Variants in CNTNAP5 observed in about 807,000 individuals in gnomAD.
CNTNAP5 encodes contactin-associated protein-like 5.
CNTNAP5 carries 72 observed loss-of-function variants against 150.2 expected under a neutral mutation model. That is an observed-to-expected ratio of 0.48 (90% CI 0.40 to 0.58). CNTNAP5 has a LOEUF of 0.58. CNTNAP5 is among the 20% of genes least tolerant of loss of function. The pLI is 0.00. For missense variants in CNTNAP5, 1,636 were observed against 1,626.2 expected (o/e 1.01, Z -0.10); for synonymous variants, 672 against 619.8 (o/e 1.08, Z -1.25).
At chr2:124,079,992 G>A (rs898836307) in intron 1 of CNTNAP5, among the ~76,000 whole-genome samples, 3 of 152,076 alleles carry the variant, frequency 2.0e-5, no homozygotes, top group Non-Finnish European at 4.4e-5. Flanking sequence ...TAGCACATTA[G>A]GATTACTCAG....
chr2:124,684,102 C>T (rs1019931503), intron 13 of CNTNAP5, among the ~76,000 whole-genome samples: 12 of 152,144 alleles, frequency 7.9e-5, no homozygotes, highest in African/African-American at 2.9e-4. Flanking sequence ...CCATTAGACC[C>T]ACTGTCAGAG....
intron 13 of CNTNAP5, among the ~76,000 whole-genome samples, chr2:124,681,744 T>C (rs1679074046): frequency 6.6e-6 from 1 of 152,130 alleles, no homozygotes; most frequent in Non-Finnish European, 1.5e-5. Flanking sequence ...TTTGTATTTT[T>C]ATTAGAGACG....
chr2:124,698,755 C>T (rs1679458412), intron 13 of CNTNAP5, among the ~76,000 whole-genome samples: 1 of 152,144 alleles, frequency 6.6e-6, no homozygotes, highest in Non-Finnish European at 1.5e-5. Flanking sequence ...GCCCCAAGTG[C>T]CAAGGTGTGT....
At chr2:124,467,311 G>A (rs1290040811) in intron 6 of CNTNAP5, among the ~76,000 whole-genome samples, 1 of 150,512 alleles carries the variant, frequency 6.6e-6, no homozygotes, top group African/African-American at 2.5e-5. Flanking sequence ...AATGGACAGA[G>A]TTCAAGAGGA....
intron 11 of CNTNAP5, among the ~76,000 whole-genome samples, chr2:124,577,427 T>C (rs1696309272): frequency 6.6e-6 from 1 of 152,248 alleles, no homozygotes; most frequent in South Asian, 2.1e-4. Flanking sequence ...TTTATTTTTA[T>C]TCAACACCAA....
At chr2:124,783,214 A>T (rs1681490778) in intron 17 of CNTNAP5, among the ~76,000 whole-genome samples, 1 of 152,178 alleles carries the variant, frequency 6.6e-6, no homozygotes, top group Admixed American at 6.5e-5. Flanking sequence ...TTATCAAGTC[A>T]TATATTCCTG....
chr2:124,759,759 A>G (rs1032465669), intron 14 of CNTNAP5, among the ~76,000 whole-genome samples: 2 of 151,994 alleles, frequency 1.3e-5, no homozygotes, highest in Non-Finnish European at 2.9e-5. Context: ...TAGGAAATAA[A>G]AACAAGATTG....
At chr2:124,792,937 C>T (rs569421193) in intron 18 of CNTNAP5, among the ~76,000 whole-genome samples, 18 of 152,270 alleles carry the variant, frequency 1.2e-4, no homozygotes, top group African/African-American at 4.3e-4. Context: ...ATCCATTGGT[C>T]AGTTAATGGA....
In CNTNAP5 at chr2:124,314,341, GT is replaced by G. The variant is rs532272488; in HGVS notation, c.381+71949del. Among the ~76,000 whole-genome samples, 331 of 152,268 alleles carry G rather than the reference GT, an allele frequency of 2.2e-3. 1 individual carries two copies. The highest frequency in any genetic ancestry group is 7.8e-3 in the African/African-American group (325 of 41,546). On this transcript the variant is annotated intron_variant, in intron 3 of 23. Coordinates refer to ENST00000682447, the MANE Select transcript of CNTNAP5 (RefSeq NM_001367498.1). Reference sequence around the variant, plus strand: ...ATTCAAAAGTGCCTTGCCAAAGCCAGTAAGAAAAGCTATTTCTCCTTGATTT... The same window carrying G: ...ATTCAAAAGTGCCTTGCCAAAGCCAGAAGAAAAGCTATTTCTCCTTGATTT...
At chr2:124,156,778 C>T (rs1684558470) in intron 1 of CNTNAP5, among the ~76,000 whole-genome samples, 1 of 152,166 alleles carries the variant, frequency 6.6e-6, no homozygotes, top group East Asian at 1.9e-4. Context: ...CGTGAGCCAC[C>T]GTGCCCAGCC....
At chr2:124,800,669 G>A (rs1291350564) in intron 19 of CNTNAP5, among the ~76,000 whole-genome samples, 1 of 152,162 alleles carries the variant, frequency 6.6e-6, no homozygotes, top group East Asian at 1.9e-4. Flanking sequence ...ATTCTACCCT[G>A]CCCCTATCTT....
intron 13 of CNTNAP5, among the ~76,000 whole-genome samples, chr2:124,653,996 A>G (rs988662340): frequency 6.8e-6 from 1 of 147,634 alleles, no homozygotes; most frequent in African/African-American, 2.5e-5. Context: ...CTAGAGTATC[A>G]GTGGATGTGG....
intron 1 of CNTNAP5, among the ~76,000 whole-genome samples, chr2:124,028,933 C>T (rs1401425131): frequency 2.0e-5 from 3 of 152,054 alleles, no homozygotes; most frequent in Non-Finnish European, 2.9e-5. Flanking sequence ...GATGATTGCA[C>T]TGATAAAATG....
rs139165689 is a variant in CNTNAP5, at chr2:124,686,532, C to A, written c.2077+38574C>A. ...GAGAGAGGGAAAGATCCAGCTTCCCCTTTGTTCCAGATGAGCCCAGCCTTG... is the reference window on the plus strand; with the variant it reads ...GAGAGAGGGAAAGATCCAGCTTCCCATTTGTTCCAGATGAGCCCAGCCTTG... On this transcript the variant is annotated intron_variant, in intron 13 of 23. Transcript: ENST00000682447. Among the ~76,000 whole-genome samples the A allele has an allele frequency of 8.3e-3, 1,266 of 152,168 alleles. 17 individuals carry two copies. Among genetic ancestry groups the A allele is most frequent in the African/African-American group, 0.029 (1,221 of 41,536 alleles).
chr2:124,253,913 G>C (rs770105019), intron 3 of CNTNAP5, among the ~76,000 whole-genome samples: 91 of 151,972 alleles, frequency 6.0e-4, no homozygotes, highest in Middle Eastern at 3.4e-3. Context: ...TTTCATTTGA[G>C]TCTCTTTTAA....
At chr2:124,690,079 T>G (rs907219055) in intron 13 of CNTNAP5, among the ~76,000 whole-genome samples, 1 of 152,088 alleles carries the variant, frequency 6.6e-6, no homozygotes, top group Non-Finnish European at 1.5e-5. Flanking sequence ...AAACAAGGGA[T>G]GCTTTAAAAA....
At chr2:124,829,026 A>G (rs1386610060) in intron 19 of CNTNAP5, among the ~76,000 whole-genome samples, 1 of 152,138 alleles carries the variant, frequency 6.6e-6, no homozygotes, top group Non-Finnish European at 1.5e-5. Flanking sequence ...TAGATTACAA[A>G]GGCACAATCA....
At chr2:124,211,993 G>C (rs562043165) in intron 1 of CNTNAP5, among the ~76,000 whole-genome samples, 1 of 152,146 alleles carries the variant, frequency 6.6e-6, no homozygotes, top group Non-Finnish European at 1.5e-5. Flanking sequence ...ATTCAAAAAA[G>C]AGTAGATATC....
At chr2:124,453,281 C>T (rs772813189) in intron 6 of CNTNAP5, among the ~76,000 whole-genome samples, 1 of 151,732 alleles carries the variant, frequency 6.6e-6, no homozygotes, top group Non-Finnish European at 1.5e-5. Flanking sequence ...GAAGAAAGAA[C>T]TTCGGAGCTC....
Sources: gnomAD v4.1 joint callset for allele counts (sites outside exome capture counted in the v4.1 genomes callset) on GRCh38, gnomAD v4.1.1 for gene constraint, MANE v1.5 for transcripts, NCBI Gene and HGNC (gene_info 2026-07-23, HGNC 2026-07-21) for gene names.